Variants in DCBLD1 observed in about 807,000 individuals in gnomAD.
DCBLD1 encodes the protein discoidin, CUB and LCCL domain containing 1.
A neutral mutation model predicts 71.5 loss-of-function variants in DCBLD1; 57 were observed. That is an observed-to-expected ratio of 0.80 (90% confidence interval 0.64 to 0.99). The LOEUF (loss-of-function observed/expected upper bound fraction) is 0.99, where lower values mean the gene tolerates loss of function less well. Ranked by LOEUF, DCBLD1 falls within the 50% of genes least tolerant of loss-of-function variation. DCBLD1 has a pLI of 0.00. For synonymous variants in DCBLD1, 380 were observed against 363.8 expected (o/e 1.04, Z -0.51); for missense variants, 891 against 923.5 (o/e 0.96, Z 0.46).
chr6:117,548,431 C>G lies in DCBLD1; in HGVS notation c.2140C>G (p.Leu714Val). ...TPLNQTAMTA[L>V]L ...CCTCAACCAGACGGCCATGACTGCC[C>G]TTTTGTGAACACAATGTGAAAGAAG... is the stretch of plus-strand genomic sequence containing the variant. Residue 714 changes from leucine to valine, a missense_variant, in exon 15 of 15, where the codon CTT becomes GTT. Transcript: ENST00000338728. 1 of 1,550,566 alleles carries G rather than the reference C, an allele frequency of 6.4e-7. No individual in the cohort carries two copies. The highest frequency in any genetic ancestry group is 8.7e-7 in the Non-Finnish European group (1 of 1,147,012).
chr6:117,496,524 G>A (rs947651067), intron 1 of DCBLD1, among the ~76,000 whole-genome samples: 1 of 152,138 alleles, frequency 6.6e-6, no homozygotes, highest in Non-Finnish European at 1.5e-5. Context: ...TGTAATAATT[G>A]CAAGCTCTCC....
chr6:117,529,022 A>G (rs760138710), intron 5 of DCBLD1, among the ~76,000 whole-genome samples: 3 of 152,044 alleles, frequency 2.0e-5, no homozygotes, highest in Non-Finnish European at 2.9e-5. Context: ...TTGTATTTTT[A>G]GTAGAGACGG....
chr6:117,482,954 GCGGGGCGGGCCGGGCCGGGC>G, intron 1 of DCBLD1, 61 bp downstream of exon 1: 4 of 1,109,598 alleles, frequency 3.6e-6, no homozygotes, highest in Non-Finnish European at 1.1e-6. Context: ...GCTGAGGGCT[GCGGGGCGGGCCGGGCCGGGC>G]CGAGGGCTAC....
rs193286279 is a variant in DCBLD1 at position 117,559,082 on chromosome 6, C to T, written c.1616-10538C>T. On this transcript the variant is annotated intron_variant, in intron 14 of 14. Coordinates refer to the DCBLD1 transcript ENST00000296955. ...TGCCAACGACTAGATAAACTATACTCACCAACCAGATGTCACTGTCTTTAC... is the reference window on the plus strand; with the variant it reads ...TGCCAACGACTAGATAAACTATACTTACCAACCAGATGTCACTGTCTTTAC... Among the ~76,000 whole-genome samples the T allele has an allele frequency of 2.9e-3, 441 of 152,328 alleles. 1 individual carries two copies. The highest frequency in any genetic ancestry group is 4.9e-3 in the Non-Finnish European group (335 of 68,032).
rs188833160 is a variant in DCBLD1, at chr6:117,523,613, T to G, written c.513-1749T>G. On this transcript the variant is annotated intron_variant, in intron 4 of 14. Transcript: ENST00000338728. ...TAAGGGAATTGGCTCTAGGGAATTG[T>G]TACCCTGTAATGGGAATTCCCATTA... Among the ~76,000 whole-genome samples, 604 of 152,330 alleles carry G rather than the reference T, an allele frequency of 4.0e-3. 4 individuals carry two copies. The highest frequency in any genetic ancestry group is 7.1e-3 in the Non-Finnish European group (486 of 68,036).
At position 117,519,961 on chromosome 6, in the gene DCBLD1, A is replaced by G; in HGVS notation, c.460+11A>G. The stretch of plus-strand genomic sequence containing the variant: ...GCAGCGACCATCCAGGTATAACGGA[A>G]GAATCAACACAAATCTCTAAATGTT... On this transcript the variant is annotated intron_variant, in intron 3 of 14. Coordinates refer to ENST00000338728, the MANE Select transcript of DCBLD1 (RefSeq NM_001366458.2). 1 of 1,613,310 alleles carries G rather than the reference A, an allele frequency of 6.2e-7. No individual in the cohort carries two copies. The highest frequency in any genetic ancestry group is 1.1e-5 in the South Asian group (1 of 91,030).
intron 2 of DCBLD1, among the ~76,000 whole-genome samples, chr6:117,510,965 T>C (rs1191829814): frequency 6.6e-6 from 1 of 152,182 alleles, no homozygotes; most frequent in Non-Finnish European, 1.5e-5. Context: ...ATAGGTCCTG[T>C]TACCAACCTT....
chr6:117,553,979 T>G (rs1779463874), downstream of DCBLD1, among the ~76,000 whole-genome samples: 1 of 152,204 alleles, frequency 6.6e-6, no homozygotes, highest in African/African-American at 2.4e-5. Flanking sequence ...ATATACCTTA[T>G]AGGGTTGTGG....
chr6:117,563,445 G>C, intron 14 of DCBLD1: 4 of 1,537,074 alleles, frequency 2.6e-6, no homozygotes, highest in Non-Finnish European at 3.6e-6. Flanking sequence ...GTTTTGGTCA[G>C]GTGCAGTGGC....
chr6:117,502,649 G>GTTGTGCATGTCCTT (rs1175829513), intron 1 of DCBLD1, among the ~76,000 whole-genome samples: 1 of 152,078 alleles, frequency 6.6e-6, no homozygotes, highest in African/African-American at 2.4e-5. Flanking sequence ...CAGAGACTTT[G>GTTGTGCATGTCCTT]GGATGGAGAG....
chr6:117,497,787 G>T (rs1220435669), intron 1 of DCBLD1, among the ~76,000 whole-genome samples: 1 of 152,158 alleles, frequency 6.6e-6, no homozygotes, highest in Non-Finnish European at 1.5e-5. Flanking sequence ...AATGTTGAAA[G>T]TAGCCTTTAG....
In DCBLD1 at chr6:117,545,514, A is replaced by G; in HGVS notation, c.1532A>G (p.His511Arg). 6.2e-7 allele frequency: 1 copy of G among 1,614,176 alleles called. No individual in the cohort carries two copies. Among genetic ancestry groups the G allele is most frequent in the Non-Finnish European group, 8.5e-7 (1 of 1,180,016 alleles). The change falls in exon 14 of 15, where the codon CAT (histidine) becomes CGT (arginine). Residue 511 changes from histidine (H) to arginine (R), a missense_variant. Coordinates refer to ENST00000338728, the MANE Select transcript of DCBLD1 (RefSeq NM_001366458.2). ...WKQIKYPFAR[H>R]QSAEFTISYD... Reference sequence around the variant, plus strand: ...CAGATTAAATATCCCTTTGCCAGACATCAGTCAGCTGAGTTTACCATCAGC... The same window carrying G: ...CAGATTAAATATCCCTTTGCCAGACGTCAGTCAGCTGAGTTTACCATCAGC...
At chr6:117,508,916 T>G (rs1777923168) in intron 2 of DCBLD1, among the ~76,000 whole-genome samples, 1 of 151,090 alleles carries the variant, frequency 6.6e-6, no homozygotes, top group African/African-American at 2.4e-5. Flanking sequence ...TCAGTGTAGA[T>G]CAATAAAACC....
intron 14 of DCBLD1, 84 bp from the exon 15 acceptor site, chr6:117,547,823 C>A (rs764991862): frequency 9.0e-5 from 140 of 1,547,216 alleles, no homozygotes; most frequent in Admixed American, 1.2e-4. Context: ...GTCACCACGA[C>A]CTGAAGCAGA....
In DCBLD1 at chr6:117,538,519, G is replaced by A. The variant is rs1457422907; in HGVS notation, c.761-101G>A. 20 of 1,099,796 alleles carry A rather than the reference G, an allele frequency of 1.8e-5. No homozygotes were observed. In the East Asian group the frequency reaches 4.5e-4, roughly 25 times the overall value. 68.1% of individuals were successfully genotyped at this position (1,099,796 alleles called of 1,614,324 possible). ...CACTTTATTCCATATCAGAATAAAA[G>A]TCAACTAGTTGAATATTTCTAGGTG... On this transcript the variant is annotated intron_variant, in intron 7 of 14. Transcript: ENST00000338728.
rs747546263 is a variant in DCBLD1 at position 117,545,602 on chromosome 6, G to A, written c.1615+5G>A. ...TCATCACAAGTGATATGGCAGGTAA[G>A]TGTCATATTTCTAGGACTGTGCTAT... is the stretch of plus-strand genomic sequence containing the variant. On this transcript the variant is annotated splice_donor_5th_base_variant and intron_variant, in intron 14 of 14. Transcript: ENST00000338728. The A allele has an allele frequency of 7.4e-6, 12 of 1,613,434 alleles. No homozygotes were observed. The highest frequency in any genetic ancestry group is 1.7e-4 in the Middle Eastern group (1 of 6,060).
intron 1 of DCBLD1, among the ~76,000 whole-genome samples, chr6:117,487,689 A>G (rs1345081887): frequency 5.3e-5 from 8 of 152,184 alleles, no homozygotes; most frequent in Non-Finnish European, 1.0e-4. Context: ...TGTCTAATCC[A>G]ATGTTGAATG....
intron 2 of DCBLD1, among the ~76,000 whole-genome samples, chr6:117,513,170 T>C (rs1006453230): frequency 2.6e-5 from 4 of 152,206 alleles, no homozygotes; most frequent in Non-Finnish European, 4.4e-5. Flanking sequence ...CAAGAGGATT[T>C]CAGACTTGGC....
At position 117,547,709 on chromosome 6, in the gene DCBLD1, G is replaced by T. The variant is rs1336035070; in HGVS notation, c.1616-198G>T. Reference sequence around the variant, plus strand: ...GAGAAGACCCTGCGAAGCTTCCTGAGCAGGCGGTGCGGTTGTGTACTGCCT... The same window carrying T: ...GAGAAGACCCTGCGAAGCTTCCTGATCAGGCGGTGCGGTTGTGTACTGCCT... On this transcript the variant is annotated intron_variant, in intron 14 of 14. Coordinates refer to ENST00000338728, the MANE Select transcript of DCBLD1 (RefSeq NM_001366458.2). The T allele has an allele frequency of 2.6e-6, 3 of 1,138,992 alleles. No individual in the cohort carries two copies. The African/African-American group carries it at 4.6e-5, about 18-fold the overall frequency. The allele number at this position is 1,138,992 out of a possible 1,614,324, so 70.6% of individuals were successfully genotyped here. A position where few individuals can be genotyped will look rare whatever the true frequency, so the allele number is the denominator to read the frequency against.
Sources: gnomAD v4.1 joint callset for allele counts (sites outside exome capture counted in the v4.1 genomes callset) on GRCh38, gnomAD v4.1.1 for gene constraint, MANE v1.5 for transcripts, NCBI Gene and HGNC (gene_info 2026-07-23, HGNC 2026-07-21) for gene names.